Variants in ACBD6 observed in about 807,000 individuals in gnomAD.
The protein encoded by ACBD6 is acyl-CoA binding domain containing 6, also known as acyl-CoA-binding domain-containing protein 6.
In ACBD6, 28 loss-of-function variants were observed where a neutral mutation model predicts 37.2. That is an observed-to-expected ratio of 0.75 (90% CI 0.56 to 1.03). ACBD6 has a LOEUF of 1.03. Ranked by LOEUF, ACBD6 falls within the 50% of genes least tolerant of loss-of-function variation. The pLI is 0.00. For missense variants in ACBD6, 340 were observed against 337.4 expected, an observed-to-expected ratio of 1.01 and a Z score of -0.06; for synonymous variants, 113 against 126.8, an observed-to-expected ratio of 0.89 and a Z score of 0.73.
At chr1:180,372,738 T>G (rs963551973) in intron 6 of ACBD6, among the ~76,000 whole-genome samples, 1 of 152,154 alleles carries the variant, frequency 6.6e-6, no homozygotes, top group African/African-American at 2.4e-5. Flanking sequence ...CCATAAGATT[T>G]TCCAGTGTTC....
intron 5 of ACBD6, among the ~76,000 whole-genome samples, chr1:180,407,152 C>G (rs1647658750): frequency 6.6e-6 from 1 of 152,204 alleles, no homozygotes; most frequent in African/African-American, 2.4e-5. Flanking sequence ...GGTTTGCCAT[C>G]AGTATTCAAA....
At chr1:180,285,768 G>T (rs905875542), downstream of ACBD6, among the ~76,000 whole-genome samples, 10 of 151,892 alleles carry the variant, frequency 6.6e-5, no homozygotes, top group African/African-American at 2.2e-4. Context: ...TAATAGAAAG[G>T]TTCACTGGAT....
At chr1:180,460,619 T>C (rs910802289) in intron 3 of ACBD6, among the ~76,000 whole-genome samples, 4 of 152,180 alleles carry the variant, frequency 2.6e-5, no homozygotes, top group African/African-American at 9.7e-5. Flanking sequence ...TGGTGATACC[T>C]CCAGGTATTG....
At chr1:180,330,806 G>C (rs1265363494) in intron 6 of ACBD6, among the ~76,000 whole-genome samples, 1 of 152,138 alleles carries the variant, frequency 6.6e-6, no homozygotes, top group Non-Finnish European at 1.5e-5. Context: ...GAGTAAAATA[G>C]GTACAGTGTA....
chr1:180,490,689 G>A (rs1240690265), intron 3 of ACBD6, among the ~76,000 whole-genome samples: 1 of 151,692 alleles, frequency 6.6e-6, no homozygotes, highest in East Asian at 1.9e-4. Context: ...AGGCGGCTGA[G>A]GCAGGAGAAT....
chr1:180,424,821 C>G (rs930691881), intron 4 of ACBD6, among the ~76,000 whole-genome samples: 5 of 151,908 alleles, frequency 3.3e-5, no homozygotes, highest in African/African-American at 1.2e-4. Context: ...GATGAATGAC[C>G]CTTGGTTCAG....
intron 7 of ACBD6, among the ~76,000 whole-genome samples, chr1:180,312,404 T>G (rs56128856): frequency 0.052 from 7,972 of 152,234 alleles, 675 homozygotes; most frequent in African/African-American, 0.17. Context: ...TTAAAAAAAC[T>G]AATGCATTCA....
Position 180,492,376 on chromosome 1 carries a change from G to C in ACBD6, c.288-11C>G, listed in dbSNP as rs577875619. 1.4e-5 allele frequency: 22 copies of C among 1,609,392 alleles called. No individual in the cohort carries two copies. In the South Asian group the frequency reaches 2.3e-4, roughly 17 times the overall value. On this transcript the variant is annotated splice_polypyrimidine_tract_variant and intron_variant, in intron 2 of 7. Transcript: ENST00000367595. Reference sequence around the variant, plus strand: ...GCTTTCCAAGCTTCCCTACAATATGGAATATCCAAAATGGCCTGTCATTAT... The same window carrying C: ...GCTTTCCAAGCTTCCCTACAATATGCAATATCCAAAATGGCCTGTCATTAT...
At chr1:180,367,748 T>C (rs1441207964) in intron 6 of ACBD6, among the ~76,000 whole-genome samples, 1 of 152,220 alleles carries the variant, frequency 6.6e-6, no homozygotes, top group South Asian at 2.1e-4. Context: ...TGCATAGTAT[T>C]CTGTGATGTA....
intron 7 of ACBD6, among the ~76,000 whole-genome samples, chr1:180,296,361 C>T (rs1016121899): frequency 1.3e-5 from 2 of 152,194 alleles, no homozygotes; most frequent in African/African-American, 4.8e-5. Flanking sequence ...GAAGTGAGAG[C>T]AAGTTATCCA....
intron 6 of ACBD6, among the ~76,000 whole-genome samples, chr1:180,395,373 A>C (rs1482044038): frequency 2.6e-5 from 4 of 152,166 alleles, no homozygotes; most frequent in African/African-American, 4.8e-5. Context: ...TCTCTGTGAA[A>C]TAGGAGGTAT....
chr1:180,272,854 CAACT>C (rs1349096795), intron 12 of ACBD6: 2 of 152,202 alleles, frequency 1.3e-5, no homozygotes, highest in Non-Finnish European at 2.9e-5. Context: ...TGAACACAAC[CAACT>C]GTGGATGTGC....
At chr1:180,320,001 T>C (rs1396522115) in intron 6 of ACBD6, among the ~76,000 whole-genome samples, 1 of 152,214 alleles carries the variant, frequency 6.6e-6, no homozygotes, top group Non-Finnish European at 1.5e-5. Context: ...ACTGATTTCC[T>C]TTCTTTGGGG....
chr1:180,359,614 G>A (rs966692280), intron 6 of ACBD6, among the ~76,000 whole-genome samples: 1 of 152,156 alleles, frequency 6.6e-6, no homozygotes, highest in Non-Finnish European at 1.5e-5. Context: ...ACATTTAGAA[G>A]ATATACATGT....
chr1:180,472,075 T>C (rs1650590173), intron 3 of ACBD6, among the ~76,000 whole-genome samples: 1 of 152,234 alleles, frequency 6.6e-6, no homozygotes, highest in African/African-American at 2.4e-5. Context: ...TCTAAGGTGC[T>C]GAAATTTTAG....
At chr1:180,457,555 C>T (rs1465197884) in intron 3 of ACBD6, among the ~76,000 whole-genome samples, 2 of 152,032 alleles carry the variant, frequency 1.3e-5, no homozygotes, top group Non-Finnish European at 2.9e-5. Flanking sequence ...GCTCAAAAGA[C>T]CTCAAAAGCC....
At chr1:180,454,758 CAT>C (rs1347061619) in intron 3 of ACBD6, among the ~76,000 whole-genome samples, 2 of 152,232 alleles carry the variant, frequency 1.3e-5, no homozygotes, top group Middle Eastern at 3.4e-3. Context: ...AGCCAACAAA[CAT>C]ATGAAAAAAA....
intron 3 of ACBD6, among the ~76,000 whole-genome samples, chr1:180,472,315 C>T (rs1239211970): frequency 6.6e-6 from 1 of 152,178 alleles, no homozygotes; most frequent in African/African-American, 2.4e-5. Context: ...ATGAATGGCA[C>T]ACACTTTATT....
intron 3 of ACBD6, among the ~76,000 whole-genome samples, chr1:180,481,030 AAAAAAAAAAAC>A (rs1465557668): frequency 2.0e-4 from 29 of 147,092 alleles, no homozygotes; most frequent in African/African-American, 6.7e-4. Context: ...ACTCCGTCTC[AAAAAAAAAAAC>A]AAAAAAAAAA....
Sources: gnomAD v4.1 joint callset for allele counts (sites outside exome capture counted in the v4.1 genomes callset) on GRCh38, gnomAD v4.1.1 for gene constraint, MANE v1.5 for transcripts, NCBI Gene and HGNC (gene_info 2026-07-23, HGNC 2026-07-21) for gene names.